Variants in KLHL29 observed in about 807,000 individuals in gnomAD.
KLHL29 encodes the protein kelch-like protein 29.
KLHL29 carries 21 observed loss-of-function variants against 80.4 expected under a neutral mutation model. The observed-to-expected ratio is 0.26, with a 90% CI of 0.19 to 0.38. The LOEUF is 0.38. Among genes scored for constraint, KLHL29 ranks in the 10% least tolerant of loss-of-function variants. KLHL29 has a pLI of 1.00. For synonymous variants in KLHL29, 511 were observed against 526.8 expected (o/e 0.97, Z 0.41); for missense variants, 867 against 1,223.9 (o/e 0.71, Z 4.35).
In KLHL29 at chr2:23,581,150, A is replaced by G. The variant is rs779997161; in HGVS notation, c.285+18669A>G. ...AAATAAGGAGTGTAGCATTTAAACA[A>G]TGACATCTTCTGGTTTCTCCATGTT... On this transcript the variant is annotated intron_variant, in intron 3 of 13. Coordinates refer to ENST00000486442, the MANE Select transcript of KLHL29 (RefSeq NM_052920.2). 4.6e-5 allele frequency among the ~76,000 whole-genome samples: 7 copies of G among 152,090 alleles called. No homozygotes were observed. The South Asian group carries it at 1.3e-3, about 27-fold the overall frequency.
intron 3 of KLHL29, among the ~76,000 whole-genome samples, chr2:23,577,052 G>C (rs1023905049): frequency 6.6e-6 from 1 of 152,200 alleles, no homozygotes; most frequent in Non-Finnish European, 1.5e-5. Context: ...TGTGCCTCCA[G>C]ATCCTCAAGG....
Position 23,696,454 on chromosome 2 carries a change from T to C in KLHL29, c.2046T>C (p.Asp682=), listed in dbSNP as rs960596076. The change falls in exon 11 of 14, where the codon GAT becomes GAC. Residue 682 remains aspartate (D), a synonymous_variant. Coordinates refer to ENST00000486442, the MANE Select transcript of KLHL29 (RefSeq NM_052920.2). The surrounding 1 kb of genome is among the most constrained non-coding windows in gnomAD (Gnocchi z 5.5). ...PRCRHNSLVY[D]GKIYTLGGLG... is the part of the protein sequence containing the mutation. ...GTCGGCACAATAGCCTCGTCTACGA[T>C]GGGAAGATTTACACCCTCGGGGGAC... The C allele has an allele frequency of 1.3e-6, 2 of 1,550,404 alleles. No homozygotes were observed. The highest frequency in any genetic ancestry group is 1.7e-6 in the Non-Finnish European group (2 of 1,146,470).
At chr2:23,557,746 G>T (rs768223633) in intron 2 of KLHL29, among the ~76,000 whole-genome samples, 24 of 152,082 alleles carry the variant, frequency 1.6e-4, no homozygotes, top group Non-Finnish European at 2.8e-4. Context: ...CCCTCAGTGC[G>T]TACCCTCCTC....
chr2:23,574,849 G>A (rs1558393975), intron 3 of KLHL29, among the ~76,000 whole-genome samples: 1 of 152,156 alleles, frequency 6.6e-6, no homozygotes, highest in Non-Finnish European at 1.5e-5. Flanking sequence ...AAGAGAAATG[G>A]GGGTGTCGGT....
chr2:23,605,554 C>T (rs4665616), intron 3 of KLHL29, among the ~76,000 whole-genome samples: 26,671 of 152,124 alleles, frequency 0.18, 3,051 homozygotes, highest in Admixed American at 0.3. Flanking sequence ...CCTTCATCTT[C>T]TCTCAGTTTT....
intron 2 of KLHL29, among the ~76,000 whole-genome samples, chr2:23,481,745 G>C (rs998374164): frequency 2.0e-5 from 3 of 152,198 alleles, no homozygotes; most frequent in African/African-American, 7.2e-5. Flanking sequence ...GCGAAACGCT[G>C]TCTCTACTAG....
At chr2:23,559,598 C>T (rs536842461) in intron 2 of KLHL29, among the ~76,000 whole-genome samples, 19 of 152,116 alleles carry the variant, frequency 1.2e-4, no homozygotes, top group African/African-American at 4.1e-4. Flanking sequence ...GAGATAGAGG[C>T]GGCTTTCTCT....
chr2:23,428,839 G>A (rs1663079343), intron 1 of KLHL29, among the ~76,000 whole-genome samples: 1 of 152,156 alleles, frequency 6.6e-6, no homozygotes, highest in Admixed American at 6.5e-5. Context: ...AAGCCTCCCG[G>A]TACTTCTTTA....
chr2:23,543,383 G>A (rs1001419861), intron 2 of KLHL29, among the ~76,000 whole-genome samples: 8 of 152,112 alleles, frequency 5.3e-5, no homozygotes, highest in African/African-American at 1.4e-4. Flanking sequence ...GTCCCTCCCC[G>A]GGATGTGCGG....
intron 1 of KLHL29, among the ~76,000 whole-genome samples, chr2:23,390,767 T>C (rs1285247853): frequency 6.7e-6 from 1 of 149,686 alleles, no homozygotes; most frequent in South Asian, 2.1e-4. Flanking sequence ...TTCTCCTGCC[T>C]CAGCCTCCAG....
At chr2:23,585,321 A>T (rs1668091774) in intron 3 of KLHL29, among the ~76,000 whole-genome samples, 1 of 152,356 alleles carries the variant, frequency 6.6e-6, no homozygotes, top group Middle Eastern at 3.4e-3. Flanking sequence ...TCTAGCGGTG[A>T]TAGCTGCAGC....
chr2:23,692,551 C>G (rs954683502), intron 7 of KLHL29, among the ~76,000 whole-genome samples: 1 of 152,194 alleles, frequency 6.6e-6, no homozygotes, highest in Non-Finnish European at 1.5e-5. Context: ...TCCGTGAGGA[C>G]AGAGGGGCAC....
intron 3 of KLHL29, among the ~76,000 whole-genome samples, chr2:23,619,362 G>A (rs1045308902): frequency 2.0e-5 from 3 of 152,154 alleles, no homozygotes; most frequent in African/African-American, 4.8e-5. Flanking sequence ...TTTGAGGGTG[G>A]TGGGTGTTCT....
At chr2:23,419,987 A>C (rs941709759) in intron 1 of KLHL29, among the ~76,000 whole-genome samples, 15 of 152,136 alleles carry the variant, frequency 9.9e-5, no homozygotes, top group African/African-American at 3.4e-4. Context: ...CAAAGGTTAG[A>C]TAAGGGCGTC....
At chr2:23,627,592 G>A (rs566834065) in intron 3 of KLHL29, among the ~76,000 whole-genome samples, 15 of 152,310 alleles carry the variant, frequency 9.8e-5, no homozygotes, top group East Asian at 5.8e-4. Flanking sequence ...TGCACCTTGC[G>A]TCTGAGGAGC....
At chr2:23,670,977 T>C (rs540758327) in intron 5 of KLHL29, among the ~76,000 whole-genome samples, 74 of 6,360 alleles carry the variant, frequency 0.012, 1 homozygote, top group Non-Finnish European at 0.015. Context: ...TCTCTCTCTC[T>C]CTCCCTCCCT....
At chr2:23,574,058 T>C (rs1222807424) in intron 3 of KLHL29, among the ~76,000 whole-genome samples, 2 of 152,056 alleles carry the variant, frequency 1.3e-5, no homozygotes, top group Non-Finnish European at 2.9e-5. Context: ...GAACCTGGGC[T>C]GGGAAGTGGG....
At position 23,506,775 on chromosome 2, in the gene KLHL29, G is replaced by C. The variant is rs1050096886; in HGVS notation, c.-46+31108G>C. 2.2e-4 allele frequency among the ~76,000 whole-genome samples: 33 copies of C among 152,150 alleles called. 1 individual carries two copies. Among genetic ancestry groups the C allele is most frequent in the Admixed American group, 1.6e-3 (25 of 15,282 alleles). ...CTTTCCTGGTTCCAGCCATGTAGGGGACACCATCAAAGCTCCCAGGAGTGC... is the reference window on the plus strand; with the variant it reads ...CTTTCCTGGTTCCAGCCATGTAGGGCACACCATCAAAGCTCCCAGGAGTGC... On this transcript the variant is annotated intron_variant, in intron 2 of 13. Coordinates refer to ENST00000486442, the MANE Select transcript of KLHL29 (RefSeq NM_052920.2).
chr2:23,590,452 G>A (rs902872285), intron 3 of KLHL29, among the ~76,000 whole-genome samples: 2 of 152,142 alleles, frequency 1.3e-5, no homozygotes, highest in African/African-American at 4.8e-5. Flanking sequence ...TTTTGTTTTT[G>A]CATCTGCCCC....
Sources: allele counts gnomAD v4.1 joint callset (sites outside exome capture counted in the v4.1 genomes callset), GRCh38; gene constraint gnomAD v4.1.1; non-coding constraint Gnocchi (gnomAD v3.1); transcripts MANE v1.5; gene names NCBI Gene and HGNC (gene_info 2026-07-23, HGNC 2026-07-21).